The following STXBP5L variants were observed in gnomAD, a reference collection of about 807,000 sequenced individuals.
STXBP5L encodes syntaxin binding protein 5L, also known as syntaxin-binding protein 5-like.
In STXBP5L, 65 loss-of-function variants were observed where a neutral mutation model predicts 144.5. The observed-to-expected ratio is 0.45, with a 90% CI of 0.37 to 0.55. The LOEUF (loss-of-function observed/expected upper bound fraction) is 0.55. Among genes scored for constraint, STXBP5L ranks in the 20% least tolerant of loss-of-function variants. The pLI, the probability that STXBP5L is intolerant of heterozygous loss-of-function variation, is 0.00. For synonymous variants in STXBP5L, 505 were observed against 469.6 expected (o/e 1.08, Z -0.97); for missense variants, 1,298 against 1,405.5 (o/e 0.92, Z 1.22).
intron 14 of STXBP5L, among the ~76,000 whole-genome samples, chr3:121,249,051 T>C (rs1403448938): frequency 6.6e-6 from 1 of 152,204 alleles, no homozygotes; most frequent in Non-Finnish European, 1.5e-5. Context: ...TGTAGCCTTA[T>C]AGTATAGTTT....
chr3:121,073,837 A>T (rs948373585), intron 5 of STXBP5L, among the ~76,000 whole-genome samples: 1 of 152,208 alleles, frequency 6.6e-6, no homozygotes, highest in Non-Finnish European at 1.5e-5. Context: ...AGTGTCAGGT[A>T]GAGGAATGCC....
chr3:121,005,438 C>G (rs1576635609), intron 3 of STXBP5L, among the ~76,000 whole-genome samples: 2 of 152,070 alleles, frequency 1.3e-5, no homozygotes, highest in African/African-American at 4.8e-5. Context: ...TGATTCTTCT[C>G]TCTTTTCTTC....
intron 5 of STXBP5L, among the ~76,000 whole-genome samples, chr3:121,084,411 C>T (rs1331116999): frequency 2.0e-5 from 3 of 151,970 alleles, no homozygotes; most frequent in South Asian, 2.1e-4. Flanking sequence ...CCTTCTTCCA[C>T]GTGTTTTCAT....
intron 3 of STXBP5L, among the ~76,000 whole-genome samples, chr3:121,012,796 A>C (rs564519003): frequency 1.3e-5 from 2 of 151,786 alleles, no homozygotes; most frequent in Non-Finnish European, 1.5e-5. Context: ...CCAAGTAGGA[A>C]ACAAAGTACC....
chr3:121,279,971 A>C lies in STXBP5L; in HGVS notation c.2110+15A>C. 6.2e-7 allele frequency: 1 copy of C among 1,608,890 alleles called. No individual in the cohort carries two copies. Among genetic ancestry groups the C allele is most frequent in the Non-Finnish European group, 8.5e-7 (1 of 1,177,694 alleles). The stretch of plus-strand genomic sequence containing the variant: ...GTTCATTGCAGGTAGGAGATAAAAC[A>C]AGATGAGTTATGAACTTGATTTGGT... On this transcript the variant is annotated intron_variant, in intron 19 of 26. Coordinates refer to ENST00000471454, the MANE Select transcript of STXBP5L (RefSeq NM_001308330.2).
At position 121,409,549 on chromosome 3, in the gene STXBP5L, T is replaced by A. The variant is rs542616617; in HGVS notation, c.2948+1946T>A. ...TAGATCAGGGTTTAGCAAATTAATA[T>A]CCAAAACAAAATCGACCTCCATTCC... On this transcript the variant is annotated intron_variant, in intron 23 of 26. Coordinates refer to ENST00000471454, the MANE Select transcript of STXBP5L (RefSeq NM_001308330.2). 3.1e-3 allele frequency among the ~76,000 whole-genome samples: 470 copies of A among 151,910 alleles called. 3 individuals carry two copies. Among genetic ancestry groups the A allele is most frequent in the African/African-American group, 0.011 (442 of 41,500 alleles).
At chr3:121,190,829 G>A (rs1423270211) in intron 9 of STXBP5L, among the ~76,000 whole-genome samples, 10 of 151,496 alleles carry the variant, frequency 6.6e-5, no homozygotes, top group South Asian at 4.2e-4. Flanking sequence ...CAGACGGGGC[G>A]GCCAGTCAGA....
chr3:121,378,255 A>C (rs1299025563), intron 20 of STXBP5L, among the ~76,000 whole-genome samples: 1 of 152,194 alleles, frequency 6.6e-6, no homozygotes, highest in Non-Finnish European at 1.5e-5. Context: ...GTTTATAGGT[A>C]CAGCAAACCA....
intron 5 of STXBP5L, among the ~76,000 whole-genome samples, chr3:121,065,886 A>G (rs571074338): frequency 7.9e-5 from 12 of 152,202 alleles, no homozygotes; most frequent in African/African-American, 2.9e-4. Flanking sequence ...ATGTTGTTGG[A>G]TTGAGGGCCT....
At chr3:121,162,150 A>G (rs1471053899) in intron 9 of STXBP5L, among the ~76,000 whole-genome samples, 3 of 152,210 alleles carry the variant, frequency 2.0e-5, no homozygotes, top group Non-Finnish European at 4.4e-5. Flanking sequence ...TATTATTTCT[A>G]ATACAGAACA....
chr3:121,210,954 T>C (rs182725017), intron 10 of STXBP5L, among the ~76,000 whole-genome samples: 136 of 152,270 alleles, frequency 8.9e-4, no homozygotes, highest in African/African-American at 3.1e-3. Flanking sequence ...GTAGTTTTTT[T>C]CAATTCTGTG....
intron 3 of STXBP5L, among the ~76,000 whole-genome samples, chr3:120,958,640 C>A (rs2107720514): frequency 6.6e-6 from 1 of 152,212 alleles, no homozygotes; most frequent in East Asian, 1.9e-4. Context: ...ATAAACAGAA[C>A]CAAAGACAAA....
At chr3:121,144,115 T>G (rs1176241688) in intron 7 of STXBP5L, among the ~76,000 whole-genome samples, 1 of 127,088 alleles carries the variant, frequency 7.9e-6, no homozygotes, top group East Asian at 2.2e-4. Flanking sequence ...GCAAAATACA[T>G]AAGAAACTCA....
intron 7 of STXBP5L, among the ~76,000 whole-genome samples, chr3:121,125,931 T>C (rs78393338): frequency 0.019 from 2,944 of 152,268 alleles, 90 homozygotes; most frequent in African/African-American, 0.066. Context: ...TTCCTCCTTA[T>C]TATTTGGCTA....
intron 3 of STXBP5L, 40 bp from the exon 4 acceptor site, chr3:121,041,660 C>A: frequency 7.1e-7 from 1 of 1,412,452 alleles, no homozygotes; most frequent in Non-Finnish European, 1.0e-6. Context: ...AATATTGGTG[C>A]TAATTAAAAT....
intron 19 of STXBP5L, among the ~76,000 whole-genome samples, chr3:121,310,521 A>C (rs961004688): frequency 2.6e-5 from 4 of 152,074 alleles, no homozygotes; most frequent in Non-Finnish European, 5.9e-5. Flanking sequence ...AGGCTGAGGC[A>C]GGAGAGGGGC....
At chr3:121,077,158 C>T (rs746603530) in intron 5 of STXBP5L, among the ~76,000 whole-genome samples, 23 of 152,226 alleles carry the variant, frequency 1.5e-4, no homozygotes, top group Admixed American at 5.2e-4. Flanking sequence ...GCCCCACCTG[C>T]ATCTGGTGTC....
chr3:121,331,478 C>G (rs144406238), intron 20 of STXBP5L, among the ~76,000 whole-genome samples: 3 of 152,312 alleles, frequency 2.0e-5, no homozygotes, highest in African/African-American at 7.2e-5. Context: ...TTCCTCTCTA[C>G]TTGGAATATC....
intron 20 of STXBP5L, among the ~76,000 whole-genome samples, chr3:121,353,835 C>A (rs1441011623): frequency 6.6e-6 from 1 of 152,174 alleles, no homozygotes; most frequent in Non-Finnish European, 1.5e-5. Flanking sequence ...TATACATTTC[C>A]CTCTACACAC....
Sources: allele counts gnomAD v4.1 joint callset (sites outside exome capture counted in the v4.1 genomes callset), GRCh38; gene constraint gnomAD v4.1.1; transcripts MANE v1.5; gene names NCBI Gene and HGNC (gene_info 2026-07-23, HGNC 2026-07-21).